The following APBB2 variants were observed in gnomAD, a reference collection of about 807,000 sequenced individuals.
The protein encoded by APBB2 is amyloid beta precursor protein binding family B member 2, also known as Fe65-like 1.
APBB2 carries 38 observed loss-of-function variants against 82.5 expected under a neutral mutation model. The observed-to-expected ratio is 0.46, with a 90% CI of 0.36 to 0.60. APBB2 has a LOEUF of 0.60. Among genes scored for constraint, APBB2 ranks in the 20% least tolerant of loss-of-function variants. The pLI, the probability that APBB2 is intolerant of heterozygous loss-of-function variation, is 0.00. For synonymous variants in APBB2, 341 were observed against 368.2 expected (o/e 0.93, Z 0.85); for missense variants, 772 against 972.3 (o/e 0.79, Z 2.74).
At chr4:41,011,502 C>T (rs1235242097) in intron 6 of APBB2, among the ~76,000 whole-genome samples, 2 of 151,658 alleles carry the variant, frequency 1.3e-5, no homozygotes, top group East Asian at 3.9e-4. Flanking sequence ...GGGATCTTGG[C>T]TCACTGCAAC....
chr4:40,845,817 G>A (rs1230121828), intron 12 of APBB2, among the ~76,000 whole-genome samples: 1 of 151,986 alleles, frequency 6.6e-6, no homozygotes, highest in African/African-American at 2.4e-5. Context: ...TTTGATGTTT[G>A]TCTTTCATCA....
intron 12 of APBB2, among the ~76,000 whole-genome samples, chr4:40,861,700 C>T (rs2465547): frequency 0.81 from 122,961 of 152,172 alleles, 50,121 homozygotes; most frequent in African/African-American, 0.84. Flanking sequence ...GTCTGGTTCA[C>T]AGAAAGACAG....
Position 40,816,039 on chromosome 4 carries a change from T to C in APBB2, c.*53A>G. 3 of 1,581,710 alleles carry C rather than the reference T, an allele frequency of 1.9e-6. No homozygotes were observed. The highest frequency in any genetic ancestry group is 2.2e-5 in the South Asian group (2 of 89,024). ...GTCGGATGGCGGAGTTCATTTTCTT[T>C]AGTGTAGCTAGTCAATCTTCAGGTA... On this transcript the variant is annotated 3_prime_UTR_variant, in exon 18 of 18. Coordinates refer to ENST00000508593, the MANE Select transcript of APBB2 (RefSeq NM_004307.2).
chr4:41,179,069 CACAG>C (rs1398621720), intron 1 of APBB2, among the ~76,000 whole-genome samples: 1 of 146,504 alleles, frequency 6.8e-6, no homozygotes, highest in African/African-American at 2.8e-5. Flanking sequence ...ACGTCTATTG[CACAG>C]ACATCCATTT....
At chr4:41,070,919 A>T (rs980646433) in intron 3 of APBB2, among the ~76,000 whole-genome samples, 5 of 152,236 alleles carry the variant, frequency 3.3e-5, no homozygotes, top group African/African-American at 1.2e-4. Context: ...GCCAGTCTAC[A>T]AAGTGTTTAG....
intron 12 of APBB2, among the ~76,000 whole-genome samples, chr4:40,882,303 G>A (rs897680713): frequency 2.0e-5 from 3 of 152,162 alleles, no homozygotes; most frequent in Non-Finnish European, 2.9e-5. Context: ...GAAGCTTCAC[G>A]GAGGAGCCTC....
chr4:41,168,157 T>C lies in APBB2; in HGVS notation c.-416-25015A>G, dbSNP rs530462867. On this transcript the variant is annotated intron_variant, in intron 1 of 17. Coordinates refer to ENST00000508593, the MANE Select transcript of APBB2 (RefSeq NM_004307.2). ...GGTGGCAGGTGCCTGTAGTCCCAGC[T>C]ACTCGGGAGGCTGAGGCAGGAGAAT... Among the ~76,000 whole-genome samples the C allele has an allele frequency of 9.2e-3, 1,384 of 151,136 alleles. 23 individuals carry two copies. The highest frequency in any genetic ancestry group is 0.032 in the African/African-American group (1,326 of 41,250).
At chr4:40,869,001 C>T (rs116845767) in intron 12 of APBB2, among the ~76,000 whole-genome samples, 1 of 152,064 alleles carries the variant, frequency 6.6e-6, no homozygotes, top group Admixed American at 6.6e-5. Flanking sequence ...ACATGTGTTA[C>T]CTCGATTTGT....
Position 40,826,373 on chromosome 4 carries a change from G to T in APBB2, c.1733-403C>A, listed in dbSNP as rs927428634. On this transcript the variant is annotated intron_variant, in intron 14 of 17. Transcript: ENST00000508593. This position sits in a 1 kb window ranked among gnomAD's most constrained non-coding sequence, Gnocchi z 4.5. ...TGAGTTCCCCCAGTAATCAACCCAC[G>T]TTTTTTTTTTTTTAGAGACAAGAGT... Among the ~76,000 whole-genome samples, 3 of 146,136 alleles carry T rather than the reference G, an allele frequency of 2.1e-5. No individual in the cohort carries two copies. The highest frequency in any genetic ancestry group is 5.0e-5 in the African/African-American group (2 of 39,924).
chr4:40,985,013 G>A lies in APBB2; in HGVS notation c.835+28570C>T, dbSNP rs531825281. Among the ~76,000 whole-genome samples the A allele has an allele frequency of 8.6e-5, 13 of 151,690 alleles. No individual in the cohort carries two copies. The South Asian group carries it at 1.5e-3, about 17-fold the overall frequency. ...CATGGCTCACTGCAGCCTCAACCTC[G>A]TGGCTCAAGTGATTCTCTCATCTCA... On this transcript the variant is annotated intron_variant, in intron 6 of 17. Coordinates refer to ENST00000508593, the MANE Select transcript of APBB2 (RefSeq NM_004307.2).
rs774527145 is a variant in APBB2 at position 40,944,894 on chromosome 4, C to G, written c.1015G>C (p.Val339Leu). The change falls in exon 7 of 18, where the codon GTA becomes CTA. Residue 339 changes from valine to leucine, a missense_variant. Coordinates refer to ENST00000508593, the MANE Select transcript of APBB2 (RefSeq NM_004307.2). ...QGSRKGSLSS[V>L]TPSPTPENEK... Reference sequence around the variant, plus strand: ...TTCTCTGGGGTGGGAGATGGCGTTACAGAACTAAGTGACCCTTTCCTAGAA... The same window carrying G: ...TTCTCTGGGGTGGGAGATGGCGTTAGAGAACTAAGTGACCCTTTCCTAGAA... 1 of 1,613,192 alleles carries G rather than the reference C, an allele frequency of 6.2e-7. No homozygotes were observed. The highest frequency in any genetic ancestry group is 2.2e-5 in the East Asian group (1 of 44,874).
rs141037242 is a variant in APBB2, at chr4:40,835,795, C to A, written c.1530-5218G>T. Among the ~76,000 whole-genome samples, 259 of 152,270 alleles carry A rather than the reference C, an allele frequency of 1.7e-3. 1 individual carries two copies. The Middle Eastern group carries it at 0.02, about 12-fold the overall frequency. ...CGGTGGTCCAGCGCAGGGGGATGAG[C>A]AAAGTGCAGGCTAAATCAGCATCTG... On this transcript the variant is annotated intron_variant, in intron 12 of 17. Coordinates refer to ENST00000508593, the MANE Select transcript of APBB2 (RefSeq NM_004307.2).
intron 10 of APBB2, among the ~76,000 whole-genome samples, chr4:40,900,069 C>T (rs577921958): frequency 3.2e-4 from 48 of 152,252 alleles, no homozygotes; most frequent in African/African-American, 1.1e-3. Context: ...CATATAACAA[C>T]GTTAAGTTAC....
chr4:41,200,384 T>A (rs116059419), intron 1 of APBB2, among the ~76,000 whole-genome samples: 29,514 of 151,964 alleles, frequency 0.19, 3,799 homozygotes, highest in African/African-American at 0.36. Flanking sequence ...TATTTTTTTT[T>A]TAAATAAAAT....
intron 4 of APBB2, among the ~76,000 whole-genome samples, chr4:41,049,675 G>GT (rs1471835873): frequency 2.6e-5 from 4 of 152,236 alleles, no homozygotes; most frequent in South Asian, 2.1e-4. Context: ...GACGATGGCG[G>GT]TTTTGTCTAA....
Position 40,825,953 on chromosome 4 carries a change from T to C in APBB2, c.1750A>G (p.Lys584Glu). The stretch of plus-strand genomic sequence containing the variant: ...TGGAACTTCTGGACCAGCTCAGTCT[T>C]TGGTGTTGGAAAATCTACTACAGGG... Reference protein sequence around the residue: ...VPLQVDFPTPKTELVQKFHVQ... With the variant: ...VPLQVDFPTPETELVQKFHVQ... The change falls in exon 15 of 18, where the codon AAG becomes GAG. Residue 584 changes from lysine (K) to glutamate (E), a missense_variant. Lys to Glu is a moderately conservative substitution (Grantham distance 56). Transcript: ENST00000508593. The C allele has an allele frequency of 6.2e-7, 1 of 1,614,144 alleles. No individual in the cohort carries two copies. Among genetic ancestry groups the C allele is most frequent in the Non-Finnish European group, 8.5e-7 (1 of 1,179,986 alleles).
intron 10 of APBB2, among the ~76,000 whole-genome samples, chr4:40,932,461 C>T (rs1429544448): frequency 6.6e-6 from 1 of 152,186 alleles, no homozygotes; most frequent in East Asian, 1.9e-4. Context: ...ACTTACAGAA[C>T]CAACTGGCAA....
At chr4:41,034,481 C>A (rs143934369) in intron 4 of APBB2, among the ~76,000 whole-genome samples, 13 of 152,134 alleles carry the variant, frequency 8.5e-5, no homozygotes, top group Non-Finnish European at 1.5e-4. Flanking sequence ...CGCATCACCA[C>A]GCCCAACTAA....
At chr4:40,923,738 G>A (rs999388540) in intron 10 of APBB2, among the ~76,000 whole-genome samples, 1 of 152,204 alleles carries the variant, frequency 6.6e-6, no homozygotes, top group Non-Finnish European at 1.5e-5. Flanking sequence ...ATCAGAGGGC[G>A]CAGCTGCCAA....
Sources: allele counts gnomAD v4.1 joint callset (sites outside exome capture counted in the v4.1 genomes callset), GRCh38; gene constraint gnomAD v4.1.1; non-coding constraint Gnocchi (gnomAD v3.1); transcripts MANE v1.5; gene names NCBI Gene and HGNC (gene_info 2026-07-23, HGNC 2026-07-21).